Variants in SVIL observed in about 807,000 individuals in gnomAD.
SVIL encodes archvillin.
Under a neutral mutation model 240.4 loss-of-function variants are expected in SVIL, and 101 were observed. That is an observed-to-expected ratio of 0.42 (90% CI 0.36 to 0.50). The LOEUF (loss-of-function observed/expected upper bound fraction) is 0.50. Among genes scored for constraint, SVIL ranks in the 20% least tolerant of loss-of-function variants. The pLI is 0.01. For missense variants in SVIL, 2,512 were observed against 2,818.7 expected, an observed-to-expected ratio of 0.89 and a Z score of 2.46; for synonymous variants, 999 against 1,100.0, an observed-to-expected ratio of 0.91 and a Z score of 1.82.
chr10:29,477,818 G>T (rs1946368718), intron 29 of SVIL, among the ~76,000 whole-genome samples: 1 of 152,172 alleles, frequency 6.6e-6, no homozygotes, highest in African/African-American at 2.4e-5. Context: ...GATGTCCATT[G>T]TGTTCATTGG....
chr10:29,564,035 A>G (rs532706559), intron 2 of SVIL, among the ~76,000 whole-genome samples: 12 of 152,262 alleles, frequency 7.9e-5, no homozygotes, highest in South Asian at 6.2e-4. Flanking sequence ...AAAGGTACGA[A>G]TGGCCCTGCC....
At chr10:29,512,606 G>A (rs374653160) in intron 17 of SVIL, 129 bp downstream of exon 17, 6 of 1,503,012 alleles carry the variant, frequency 4.0e-6, no homozygotes, top group South Asian at 1.2e-5. Flanking sequence ...GACTCTCAGT[G>A]TGTACCCTAA....
intron 17 of SVIL, among the ~76,000 whole-genome samples, chr10:29,508,733 G>A (rs1434881403): frequency 6.6e-6 from 1 of 152,096 alleles, no homozygotes; most frequent in Non-Finnish European, 1.5e-5. Flanking sequence ...CTTGTTCTGG[G>A]GCTGTCATAG....
At chr10:29,646,216 C>CG (rs1314965277) in intron 3 of SVIL, among the ~76,000 whole-genome samples, 1 of 152,218 alleles carries the variant, frequency 6.6e-6, no homozygotes, top group Non-Finnish European at 1.5e-5. Flanking sequence ...CAGACACCCC[C>CG]CTGCCCTGCA....
intron 6 of SVIL, among the ~76,000 whole-genome samples, chr10:29,550,019 T>TAAAAAAAAAAAAAAAAAAAAATAAAAAAA (rs11339067): frequency 1.4e-5 from 1 of 70,248 alleles, no homozygotes; most frequent in Non-Finnish European, 2.9e-5. Flanking sequence ...ACTTAAAGTA[T>TAAAAAAAAAAAAAAAAAAAAATAAAAAAA]AAAAAAAAAA....
chr10:29,546,371 A>C (rs1326579367), intron 6 of SVIL, among the ~76,000 whole-genome samples: 1 of 152,186 alleles, frequency 6.6e-6, no homozygotes, highest in Non-Finnish European at 1.5e-5. Flanking sequence ...GTGTATTCTT[A>C]GTTTTCTTCA....
At position 29,458,414 on chromosome 10, in the gene SVIL, C is replaced by T; in HGVS notation, c.6558+20G>A. Reference sequence around the variant, plus strand: ...GTGTTGTTTTACTCCCATCCCCACCCCACCGGAAGAACCGCTTACCTCGAA... The same window carrying T: ...GTGTTGTTTTACTCCCATCCCCACCTCACCGGAAGAACCGCTTACCTCGAA... On this transcript the variant is annotated intron_variant, in intron 37 of 37. Transcript: ENST00000355867. 6.3e-7 allele frequency: 1 copy of T among 1,595,622 alleles called. No homozygotes were observed. Among genetic ancestry groups the T allele is most frequent in the Non-Finnish European group, 8.6e-7 (1 of 1,169,326 alleles).
chr10:29,696,737 G>A (rs1035580990), intron 1 of SVIL, among the ~76,000 whole-genome samples: 1 of 150,670 alleles, frequency 6.6e-6, no homozygotes, highest in African/African-American at 2.4e-5. Context: ...TCTGAGAAGT[G>A]AGGAGCCCCT....
chr10:29,734,459 G>C (rs529863224), intron 1 of SVIL, among the ~76,000 whole-genome samples: 1 of 152,306 alleles, frequency 6.6e-6, no homozygotes, highest in South Asian at 2.1e-4. Flanking sequence ...CAGACTCTTG[G>C]ATCTGTTAAC....
chr10:29,613,041 G>C lies in SVIL; in HGVS notation c.-201+21379C>G, dbSNP rs377166120. ...AAATACAAAAAACTAGCTGGGTGTGGTGGCACGTGCCTGTAGTACCAGCTA... is the reference window on the plus strand; with the variant it reads ...AAATACAAAAAACTAGCTGGGTGTGCTGGCACGTGCCTGTAGTACCAGCTA... On this transcript the variant is annotated intron_variant, in intron 1 of 37. Transcript: ENST00000355867. 1.3e-4 allele frequency among the ~76,000 whole-genome samples: 20 copies of C among 152,236 alleles called. No homozygotes were observed. In the East Asian group the frequency reaches 2.1e-3, roughly 16 times the overall value.
chr10:29,473,688 C>T, intron 30 of SVIL, 150 bp downstream of exon 30: 1 of 984,764 alleles, frequency 1.0e-6, no homozygotes, highest in Non-Finnish European at 1.5e-6. Flanking sequence ...AGCCTGAGAC[C>T]TGCAGAAGCC....
At chr10:29,515,155 GGT>G (rs1950125147) in intron 16 of SVIL, among the ~76,000 whole-genome samples, 1 of 152,158 alleles carries the variant, frequency 6.6e-6, no homozygotes, top group Non-Finnish European at 1.5e-5. Flanking sequence ...CTAGAACTGG[GGT>G]AAGGCTGCCT....
intron 1 of SVIL, among the ~76,000 whole-genome samples, chr10:29,597,527 G>A (rs1346601452): frequency 6.6e-6 from 1 of 152,072 alleles, no homozygotes; most frequent in Admixed American, 6.5e-5. Flanking sequence ...AGCCTCACGA[G>A]TAGCTGGGAT....
At chr10:29,527,637 G>A (rs1206710426) in intron 12 of SVIL, among the ~76,000 whole-genome samples, 2 of 151,570 alleles carry the variant, frequency 1.3e-5, no homozygotes, top group East Asian at 3.9e-4. Flanking sequence ...ATGTTGGCCA[G>A]GATGGTCTTG....
rs563731758 is a variant in SVIL at position 29,522,153 on chromosome 10, G to C, written c.3389+257C>G. Among the ~76,000 whole-genome samples the C allele has an allele frequency of 3.0e-4, 46 of 152,218 alleles. 1 individual carries two copies. The South Asian group carries it at 9.6e-3, about 32-fold the overall frequency. On this transcript the variant is annotated intron_variant, in intron 16 of 37. Transcript: ENST00000355867. Reference sequence around the variant, plus strand: ...AAACAAATAAATAAAACAGAAGTCTGTTTCTGTTTGTTTTCTCATCTGAGT... The same window carrying C: ...AAACAAATAAATAAAACAGAAGTCTCTTTCTGTTTGTTTTCTCATCTGAGT...
At chr10:29,667,633 T>C (rs561234371) in intron 2 of SVIL, among the ~76,000 whole-genome samples, 1 of 152,060 alleles carries the variant, frequency 6.6e-6, no homozygotes, top group African/African-American at 2.4e-5. Context: ...GGAAGGATCA[T>C]TTGAGATCAG....
intron 29 of SVIL, among the ~76,000 whole-genome samples, chr10:29,478,431 T>C (rs1197311986): frequency 6.6e-6 from 1 of 152,146 alleles, no homozygotes; most frequent in Non-Finnish European, 1.5e-5. Context: ...TATACCTGAT[T>C]ATAAAGTCCT....
At chr10:29,698,736 G>A (rs12779332) in intron 1 of SVIL, among the ~76,000 whole-genome samples, 15,523 of 150,148 alleles carry the variant, frequency 0.1, 1,000 homozygotes, top group East Asian at 0.14. Flanking sequence ...AGCAAATTTT[G>A]AAGGAAAATA....
chr10:29,705,294 T>A (rs1356806007), intron 1 of SVIL, among the ~76,000 whole-genome samples: 3 of 152,034 alleles, frequency 2.0e-5, no homozygotes, highest in African/African-American at 7.3e-5. Context: ...CCAAAAGATA[T>A]CCACATTCTA....
Sources: allele counts gnomAD v4.1 joint callset (sites outside exome capture counted in the v4.1 genomes callset), GRCh38; gene constraint gnomAD v4.1.1; transcripts MANE v1.5; gene names NCBI Gene and HGNC (gene_info 2026-07-23, HGNC 2026-07-21).